Variants in SAMSN1 observed in about 807,000 individuals in gnomAD.
SAMSN1 encodes SAM domain-containing protein SAMSN-1.
A neutral mutation model predicts 42.0 loss-of-function variants in SAMSN1; 31 were observed. The observed-to-expected ratio is 0.74, with a 90% CI of 0.55 to 1.00. The LOEUF (loss-of-function observed/expected upper bound fraction) is 1.00, where lower values mean the gene tolerates loss of function less well. Among genes scored for constraint, SAMSN1 ranks in the 50% least tolerant of loss-of-function variants. SAMSN1 has a pLI of 0.00. For synonymous variants in SAMSN1, 178 were observed against 151.9 expected (o/e 1.17, Z -1.26); for missense variants, 464 against 439.4 (o/e 1.06, Z -0.50).
At chr21:14,629,726 G>T (rs905732468) in intron 2 of SAMSN1, among the ~76,000 whole-genome samples, 3 of 152,112 alleles carry the variant, frequency 2.0e-5, no homozygotes, top group Non-Finnish European at 4.4e-5. Flanking sequence ...CACGAACTTT[G>T]CCATTTGTCT....
intron 2 of SAMSN1, among the ~76,000 whole-genome samples, chr21:14,632,899 T>C (rs1983368630): frequency 6.6e-6 from 1 of 152,196 alleles, no homozygotes; most frequent in African/African-American, 2.4e-5. Context: ...TAGTTCCTTA[T>C]CATGCAGGTC....
intron 1 of SAMSN1, among the ~76,000 whole-genome samples, chr21:14,543,493 T>C (rs1237667902): frequency 6.6e-6 from 1 of 152,200 alleles, no homozygotes; most frequent in African/African-American, 2.4e-5. Context: ...ACTGAAAATC[T>C]ATTGCTACAT....
chr21:14,558,032 T>C (rs1416336512), intron 2 of SAMSN1, among the ~76,000 whole-genome samples: 36 of 152,166 alleles, frequency 2.4e-4, no homozygotes, highest in Admixed American at 2.4e-3. Context: ...CTTTCTCCAA[T>C]CAAACACATA....
intron 3 of SAMSN1, among the ~76,000 whole-genome samples, chr21:14,613,766 A>G (rs1359154279): frequency 6.6e-6 from 1 of 152,090 alleles, no homozygotes; most frequent in Non-Finnish European, 1.5e-5. Flanking sequence ...ATACAACAAA[A>G]CAGAAAGTAT....
At chr21:14,530,579 T>C (rs896231592) in intron 1 of SAMSN1, among the ~76,000 whole-genome samples, 19 of 152,318 alleles carry the variant, frequency 1.2e-4, no homozygotes, top group African/African-American at 3.8e-4. Context: ...CACTGGGATT[T>C]TTCATTGTCT....
chr21:14,614,760 G>A, intron 3 of SAMSN1, among the ~76,000 whole-genome samples: 1 of 152,052 alleles, frequency 6.6e-6, no homozygotes, highest in East Asian at 1.9e-4. Flanking sequence ...TTATAATACT[G>A]TAAAGTGATG....
At chr21:14,633,005 T>C (rs1198118084) in intron 2 of SAMSN1, among the ~76,000 whole-genome samples, 1 of 152,182 alleles carries the variant, frequency 6.6e-6, no homozygotes, top group African/African-American at 2.4e-5. Flanking sequence ...ATCACAAAAG[T>C]GACTTCCTGT....
At chr21:14,507,156 A>G (rs1987451952) in intron 5 of SAMSN1, among the ~76,000 whole-genome samples, 1 of 152,212 alleles carries the variant, frequency 6.6e-6, no homozygotes, top group Non-Finnish European at 1.5e-5. Flanking sequence ...CACTCTCACC[A>G]TTCCTCTTCA....
At chr21:14,530,801 T>A (rs1568791115) in intron 1 of SAMSN1, among the ~76,000 whole-genome samples, 1 of 152,194 alleles carries the variant, frequency 6.6e-6, no homozygotes, top group Non-Finnish European at 1.5e-5. Flanking sequence ...TTGCCACCTC[T>A]ACTCAAATTA....
chr21:14,606,096 G>T (rs905323724), intron 5 of SAMSN1, among the ~76,000 whole-genome samples: 5 of 152,030 alleles, frequency 3.3e-5, no homozygotes, highest in Admixed American at 6.6e-5. Context: ...CGCCTCGGCT[G>T]CCCAAAGTGC....
chr21:14,495,382 G>C (rs1986877471), intron 7 of SAMSN1, among the ~76,000 whole-genome samples: 1 of 152,170 alleles, frequency 6.6e-6, no homozygotes, highest in African/African-American at 2.4e-5. Flanking sequence ...TATTTCTTGA[G>C]CAAAGCAGTT....
At chr21:14,657,188 ATTT>A (rs1426634218) in intron 1 of SAMSN1, among the ~76,000 whole-genome samples, 2 of 151,852 alleles carry the variant, frequency 1.3e-5, no homozygotes, top group Admixed American at 6.6e-5. Flanking sequence ...GATAATGTTT[ATTT>A]TTTAAGTACC....
intron 1 of SAMSN1, 37 bp downstream of exon 1, chr21:14,546,168 G>C (rs776869160): frequency 1.3e-6 from 2 of 1,549,288 alleles, no homozygotes; most frequent in East Asian, 2.2e-5. Flanking sequence ...CTATTAAATA[G>C]TTTGATTTTA....
chr21:14,536,988 AAT>A (rs1979665826), intron 1 of SAMSN1, among the ~76,000 whole-genome samples: 1 of 152,228 alleles, frequency 6.6e-6, no homozygotes, highest in South Asian at 2.1e-4. Context: ...TGGTTTCTGC[AAT>A]AGTCTGTTAA....
At chr21:14,511,725 C>A (rs535804143) in intron 4 of SAMSN1, among the ~76,000 whole-genome samples, 1 of 152,194 alleles carries the variant, frequency 6.6e-6, no homozygotes, top group East Asian at 1.9e-4. Flanking sequence ...CAATATCAAT[C>A]GTTTCATCCA....
intron 2 of SAMSN1, among the ~76,000 whole-genome samples, chr21:14,563,593 G>A (rs536579634): frequency 6.6e-6 from 1 of 152,290 alleles, no homozygotes; most frequent in African/African-American, 2.4e-5. Context: ...GAGCCCAAGT[G>A]TCTCTACTTG....
At chr21:14,502,026 T>A (rs1987181269) in intron 5 of SAMSN1, among the ~76,000 whole-genome samples, 1 of 152,228 alleles carries the variant, frequency 6.6e-6, no homozygotes, top group South Asian at 2.1e-4. Context: ...TAAAACTTTC[T>A]GCCCCAGAGA....
chr21:14,635,430 T>C (rs767003904), intron 2 of SAMSN1, among the ~76,000 whole-genome samples: 1 of 152,204 alleles, frequency 6.6e-6, no homozygotes, highest in Non-Finnish European at 1.5e-5. Context: ...TGTTTACAGC[T>C]GTCTACATTT....
chr21:14,540,181 T>G (rs1265021768), intron 1 of SAMSN1, among the ~76,000 whole-genome samples: 2 of 152,118 alleles, frequency 1.3e-5, no homozygotes, highest in African/African-American at 4.8e-5. Flanking sequence ...CCTAAAACCA[T>G]AAAAATCCTA....
Sources: allele counts gnomAD v4.1 joint callset (sites outside exome capture counted in the v4.1 genomes callset), GRCh38; gene constraint gnomAD v4.1.1; transcripts MANE v1.5; gene names NCBI Gene and HGNC (gene_info 2026-07-23, HGNC 2026-07-21).